The following MAPKBP1 variants were observed in gnomAD, a reference collection of about 807,000 sequenced individuals.
The protein encoded by MAPKBP1 is mitogen-activated protein kinase binding protein 1, also known as mitogen-activated protein kinase-binding protein 1.
Under a neutral mutation model 170.5 loss-of-function variants are expected in MAPKBP1, and 71 were observed. The observed-to-expected ratio is 0.42, with a 90% CI of 0.34 to 0.51. MAPKBP1 has a LOEUF of 0.51. MAPKBP1 is among the 20% of genes least tolerant of loss of function. The probability of loss-of-function intolerance (pLI) is 0.06; values close to 1 mark genes in which losing one functional copy is unlikely to be tolerated. For missense variants in MAPKBP1, 1,598 were observed against 1,933.0 expected (o/e 0.83, Z 3.25); for synonymous variants, 719 against 757.9 (o/e 0.95, Z 0.84).
intron 3 of MAPKBP1, 153 bp from the exon 4 acceptor site, chr15:41,810,717 CAAAAAAAAAAAAA>C (rs58612719): frequency 1.2e-5 from 5 of 430,510 alleles, no homozygotes; most frequent in East Asian, 8.1e-5. Flanking sequence ...GATCCTGTCT[CAAAAAAAAAAAAA>C]AAAAAAAAAG....
At chr15:41,786,072 G>A (rs1279600075) in intron 2 of MAPKBP1, among the ~76,000 whole-genome samples, 1 of 152,168 alleles carries the variant, frequency 6.6e-6, no homozygotes, top group African/African-American at 2.4e-5. Flanking sequence ...TATATGTACT[G>A]ATGTGGAAGA....
intron 2 of MAPKBP1, among the ~76,000 whole-genome samples, chr15:41,780,696 C>A (rs2064171422): frequency 6.6e-6 from 1 of 151,840 alleles, no homozygotes; most frequent in Admixed American, 6.6e-5. Context: ...TAGAATGAGA[C>A]CTGCCTACCT....
In MAPKBP1 at chr15:41,799,522, T is replaced by A. The variant is rs559534729; in HGVS notation, c.115-301T>A. ...TAGCTTATACATGGTACCTTCCTGG[T>A]TTTGGGGAATGCTTGTTCCTCTGTG... On this transcript the variant is annotated intron_variant, in intron 2 of 30. Transcript: ENST00000457542. 8.5e-5 allele frequency among the ~76,000 whole-genome samples: 13 copies of A among 152,184 alleles called. No individual in the cohort carries two copies. In the South Asian group the frequency reaches 2.7e-3, roughly 32 times the overall value.
chr15:41,822,622 G>A lies in MAPKBP1; in HGVS notation c.3259G>A (p.Glu1087Lys). The A allele has an allele frequency of 6.2e-7, 1 of 1,614,094 alleles. No homozygotes were observed. Among genetic ancestry groups the A allele is most frequent in the Non-Finnish European group, 8.5e-7 (1 of 1,180,002 alleles). The change falls in exon 27 of 31, where the codon GAG (glutamate) becomes AAG (lysine). Residue 1087 changes from glutamate to lysine, a missense_variant. Around this residue, in one of 6 missense-constraint regions of MAPKBP1, gnomAD observed 942 missense variants for 953.2 expected, o/e 0.99. Coordinates refer to ENST00000457542, the MANE Select transcript of MAPKBP1 (RefSeq NM_014994.3). ...GAPVQVPERS[E>K]SRSISSRFLL... ...CCCAGTGCAGGTCCCAGAGAGGTCAGAGTCTCGGAGTATCTCTTCACGATT... is the reference window on the plus strand; with the variant it reads ...CCCAGTGCAGGTCCCAGAGAGGTCAAAGTCTCGGAGTATCTCTTCACGATT...
intron 2 of MAPKBP1, among the ~76,000 whole-genome samples, chr15:41,787,921 A>T (rs1325349410): frequency 6.6e-6 from 1 of 152,164 alleles, no homozygotes; most frequent in Non-Finnish European, 1.5e-5. Context: ...TTAACCAAAG[A>T]GTATTCATAA....
In MAPKBP1 at chr15:41,816,932, G is replaced by A. The variant is rs1008342864; in HGVS notation, c.1608G>A (p.Ala536=). The A allele has an allele frequency of 3.7e-6, 6 of 1,611,074 alleles. No homozygotes were observed. Among genetic ancestry groups the A allele is most frequent in the East Asian group, 2.2e-5 (1 of 44,840 alleles). ...CAGGTCTGAAACTGCTAGCATCGGC[G>A]AGCCGGGACCGGCTGATCCATGTGC... The part of the protein sequence containing the change: ...PDTGLKLLAS[A]SRDRLIHVLD... The change falls in exon 14 of 31, where the codon GCG becomes GCA. Residue 536 remains alanine (A), a synonymous_variant. Transcript: ENST00000457542.
rs202207535 is a variant in MAPKBP1, at chr15:41,796,601, CT to C, written c.115-3218del. On this transcript the variant is annotated intron_variant, in intron 2 of 30. Transcript: ENST00000457542. ...CCTTCCACAGAGCCAAAGGAAACTGCTTTTCCCCCCCCTTGGATAGCTGCTT... is the reference window on the plus strand; with the variant it reads ...CCTTCCACAGAGCCAAAGGAAACTGCTTTCCCCCCCCTTGGATAGCTGCTT... Among the ~76,000 whole-genome samples, 812 of 151,822 alleles carry C rather than the reference CT, an allele frequency of 5.3e-3. 5 individuals are homozygous for C. Among genetic ancestry groups the C allele is most frequent in the Non-Finnish European group, 9.6e-3 (656 of 68,012 alleles).
chr15:41,810,828 G>A, intron 3 of MAPKBP1, 55 bp from the exon 4 acceptor site: 1 of 1,547,062 alleles, frequency 6.5e-7, no homozygotes, highest in South Asian at 1.1e-5. Flanking sequence ...GGCCTGGAGG[G>A]CTCCTGGGGG....
At position 41,786,777 on chromosome 15, in the gene MAPKBP1, A is replaced by AAAAAAAAATATATATATATAT; in HGVS notation, c.114+11389_114+11390insAAAAAAATATATATATATATA. Among the ~76,000 whole-genome samples, 84 of 32,368 alleles carry AAAAAAAAATATATATATATAT rather than the reference A, an allele frequency of 2.6e-3. 2 individuals are homozygous for AAAAAAAAATATATATATATAT. The highest frequency in any genetic ancestry group is 3.7e-3 in the Non-Finnish European group (67 of 17,950). 21.2% of individuals were successfully genotyped at this position (32,368 alleles called of 152,430 possible). On this transcript the variant is annotated intron_variant, in intron 2 of 30. Transcript: ENST00000457542. ...CAGACTCCGTCTAAAAAAAAAAAAA[A>AAAAAAAAATATATATATATAT]ATATATATATATATATATATATATA...
intron 3 of MAPKBP1, among the ~76,000 whole-genome samples, chr15:41,804,207 G>A (rs1218297537): frequency 6.6e-6 from 1 of 152,208 alleles, no homozygotes; most frequent in Admixed American, 6.5e-5. Flanking sequence ...AATGAGAAGA[G>A]CCCCATTTAT....
At position 41,818,658 on chromosome 15, in the gene MAPKBP1, C is replaced by G; in HGVS notation, c.2156+76C>G. 6.6e-7 allele frequency: 1 copy of G among 1,516,296 alleles called. No individual in the cohort carries two copies. Among genetic ancestry groups the G allele is most frequent in the South Asian group, 1.2e-5 (1 of 82,678 alleles). The allele number at this position is 1,516,296 out of a possible 1,614,324, so 93.9% of individuals were successfully genotyped here. On this transcript the variant is annotated intron_variant, in intron 19 of 30. Transcript: ENST00000457542. This position sits in a 1 kb window ranked among gnomAD's most constrained non-coding sequence, Gnocchi z 5.2. ...ACCCTGCCCTCCCCTCTCTCCATTT[C>G]AGTGATGTCTCTGGGAAGTGGGGTT...
At chr15:41,803,013 CT>C (rs1240036461) in intron 3 of MAPKBP1, among the ~76,000 whole-genome samples, 2 of 152,168 alleles carry the variant, frequency 1.3e-5, no homozygotes, top group Non-Finnish European at 2.9e-5. Flanking sequence ...TGACGTATGA[CT>C]GTACTTATTC....
chr15:41,788,233 G>T (rs2064334604), intron 2 of MAPKBP1, among the ~76,000 whole-genome samples: 2 of 152,178 alleles, frequency 1.3e-5, no homozygotes, highest in Admixed American at 1.3e-4. Flanking sequence ...TGGGATTACA[G>T]GGGTCAGCCA....
chr15:41,799,969 G>C, intron 3 of MAPKBP1, 55 bp downstream of exon 3: 1 of 1,436,770 alleles, frequency 7.0e-7, no homozygotes, highest in Non-Finnish European at 9.8e-7. Flanking sequence ...AGCCACGCTA[G>C]AGCAGTTGGG....
In MAPKBP1 at chr15:41,822,306, AAGAAG is replaced by A; in HGVS notation, c.3116_3120del (p.Glu1039GlyfsTer28). ...CCAGCTGAGGGTGATGAAGAAGAGG[AAGAAG>A]AGGAGGGAGGCATGGGCCCCTATGG... On this transcript the variant is annotated frameshift_variant, in exon 26 of 31. Coordinates refer to ENST00000457542, the MANE Select transcript of MAPKBP1 (RefSeq NM_014994.3). LOFTEE classifies it high-confidence loss of function. 3 of 1,614,046 alleles carry A rather than the reference AAGAAG, an allele frequency of 1.9e-6. No individual in the cohort carries two copies. The highest frequency in any genetic ancestry group is 2.5e-6 in the Non-Finnish European group (3 of 1,179,992).
Position 41,793,254 on chromosome 15 carries a change from G to A in MAPKBP1, c.115-6569G>A, listed in dbSNP as rs375463950. ...TGTAATCCCAGCACTTTGGGAGGCC[G>A]AGATGGGTGGATCATGAGGTCAGGA... On this transcript the variant is annotated intron_variant, in intron 2 of 30. Coordinates refer to ENST00000457542, the MANE Select transcript of MAPKBP1 (RefSeq NM_014994.3). Among the ~76,000 whole-genome samples, 9 of 152,284 alleles carry A rather than the reference G, an allele frequency of 5.9e-5. No individual in the cohort carries two copies. The East Asian group carries it at 7.7e-4, about 13-fold the overall frequency.
rs774556607 is a variant in MAPKBP1, at chr15:41,818,952, C to T, written c.2286C>T (p.Pro762=). 3.6e-5 allele frequency: 58 copies of T among 1,614,010 alleles called. No individual in the cohort carries two copies. In the South Asian group the frequency reaches 4.9e-4, roughly 14 times the overall value. ...CCTCTCCCCAAAGGGCTTCTGGACC[C>T]AACCGGTGAGAACAGAATGTGGGCA... ...GPSSPQRASG[P]NRHQAPSMLS... is the part of the protein sequence containing the mutation. Residue 762 remains proline (P), a synonymous_variant, in exon 20 of 31, where the codon CCC becomes CCT. Transcript: ENST00000457542. The surrounding 1 kb of genome is among the most constrained non-coding windows in gnomAD (Gnocchi z 5.2).
Position 41,822,352 on chromosome 15 carries a change from C to G in MAPKBP1, c.3159C>G (p.Ser1053Arg), listed in dbSNP as rs1419511659. 1 of 1,613,934 alleles carries G rather than the reference C, an allele frequency of 6.2e-7. No individual in the cohort carries two copies. The highest frequency in any genetic ancestry group is 2.2e-5 in the East Asian group (1 of 44,878). Residue 1053 changes from serine to arginine, a missense_variant, in exon 26 of 31, where the codon AGC becomes AGG. Ser to Arg is a moderately radical substitution (Grantham distance 110). This residue lies in a region of MAPKBP1 where 942 missense variants were observed against 953.2 expected (regional missense o/e 0.99). Transcript: ENST00000457542. ...GCCCCTATGGGCTACAGGAGGGCAG[C>G]CCCCAGACTCCAGACCAGGAGCAGT... The part of the protein sequence containing the change: ...GMGPYGLQEG[S>R]PQTPDQEQFL...
At chr15:41,808,110 T>C (rs1383984038) in intron 3 of MAPKBP1, among the ~76,000 whole-genome samples, 87 of 144,144 alleles carry the variant, frequency 6.0e-4, no homozygotes, top group African/African-American at 1.1e-3. Flanking sequence ...TCTTTCTTTT[T>C]TTTTTTTTTT....
Sources: gnomAD v4.1 joint callset for allele counts (sites outside exome capture counted in the v4.1 genomes callset) on GRCh38, gnomAD v4.1.1 for gene constraint, gnomAD v4.1.1 regional missense constraint, Gnocchi (gnomAD v3.1) non-coding constraint, MANE v1.5 for transcripts, NCBI Gene and HGNC (gene_info 2026-07-23, HGNC 2026-07-21) for gene names.